The following OTOGL variants were observed in gnomAD, a reference collection of about 807,000 sequenced individuals.
OTOGL encodes otogelin-like protein.
A neutral mutation model predicts 318.5 loss-of-function variants in OTOGL; 285 were observed. The observed-to-expected ratio is 0.89, with a 90% confidence interval of 0.81 to 0.99. The LOEUF (loss-of-function observed/expected upper bound fraction) is 0.99, where lower values mean the gene tolerates loss of function less well. Ranked by LOEUF, OTOGL falls within the 50% of genes least tolerant of loss-of-function variation. The pLI, the probability that OTOGL is intolerant of heterozygous loss-of-function variation, is 0.00. For synonymous variants in OTOGL, 987 were observed against 936.5 expected, an observed-to-expected ratio of 1.05 and a Z score of -0.99; for missense variants, 2,899 against 2,845.6, an observed-to-expected ratio of 1.02 and a Z score of -0.43.
Position 80,252,178 on chromosome 12 carries a change from T to C in OTOGL, c.1262T>C (p.Leu421Pro), listed in dbSNP as rs778574643. ...TGTCTTGGGAGCAATCTCCATTGTC[T>C]TGATGGATGTTACTGCCCAGATGGT... The part of the protein sequence containing the change: ...KQCLGSNLHC[L>P]DGCYCPDGLV... The change falls in exon 13 of 59, where the codon CTT (leucine) becomes CCT (proline). Residue 421 changes from leucine to proline, a missense_variant. Transcript: ENST00000547103. The C allele has an allele frequency of 3.3e-5, 52 of 1,597,452 alleles. No individual in the cohort carries two copies. In the East Asian group the frequency reaches 6.5e-4, roughly 20 times the overall value.
chr12:80,136,199 C>G (rs543868297), intron 1 of OTOGL, among the ~76,000 whole-genome samples: 1 of 152,224 alleles, frequency 6.6e-6, no homozygotes, highest in East Asian at 1.9e-4. Flanking sequence ...TCCCTTCTTT[C>G]TCTCTTGGTC....
intron 27 of OTOGL, among the ~76,000 whole-genome samples, chr12:80,299,610 GAAA>G (rs58781796): frequency 7.9e-6 from 1 of 126,146 alleles, no homozygotes; most frequent in Non-Finnish European, 1.7e-5. Flanking sequence ...TCCAGGGGAA[GAAA>G]AAAAAAAAAA....
At chr12:80,366,436 G>A in intron 52 of OTOGL, 138 bp from the exon 53 acceptor site, 1 of 451,070 alleles carries the variant, frequency 2.2e-6, no homozygotes, top group Non-Finnish European at 4.3e-6. Context: ...GTGTGATAAG[G>A]GACTTATTAG....
intron 1 of OTOGL, among the ~76,000 whole-genome samples, chr12:80,127,921 T>G: frequency 6.6e-6 from 1 of 152,204 alleles, no homozygotes; most frequent in Non-Finnish European, 1.5e-5. Context: ...CTGCATTGGT[T>G]ATTCTAGTTA....
chr12:80,342,169 T>A lies in OTOGL; in HGVS notation c.5265+7T>A. The A allele has an allele frequency of 6.5e-7, 1 of 1,539,124 alleles. No homozygotes were observed. Among genetic ancestry groups the A allele is most frequent in the Non-Finnish European group, 8.8e-7 (1 of 1,130,790 alleles). ...CATTCCATGTCATGATAAAGTAAGT[T>A]GGAAGCAACCATAAATAATACTTTC... On this transcript the variant is annotated splice_region_variant and intron_variant, in intron 44 of 58. Transcript: ENST00000547103.
chr12:80,265,356 C>T, intron 20 of OTOGL, 146 bp downstream of exon 20: 2 of 867,690 alleles, frequency 2.3e-6, no homozygotes, highest in Non-Finnish European at 3.4e-6. Context: ...ACATGAAAAG[C>T]AAATGAAATA....
At chr12:80,238,816 TTG>T (rs143126749) in intron 9 of OTOGL, 33 bp from the exon 10 acceptor site, 24,596 of 1,035,146 alleles carry the variant, frequency 0.024, 2 homozygotes, top group South Asian at 0.06. Flanking sequence ...TTACACCTAT[TTG>T]TGTGTGTGTG....
chr12:80,207,017 A>G (rs767005842), intron 1 of OTOGL, among the ~76,000 whole-genome samples: 7 of 152,224 alleles, frequency 4.6e-5, no homozygotes, highest in African/African-American at 7.2e-5. Context: ...AATTAAGTAC[A>G]TACGAATACC....
intron 19 of OTOGL, among the ~76,000 whole-genome samples, chr12:80,263,465 T>C (rs1882705703): frequency 6.6e-6 from 1 of 152,162 alleles, no homozygotes. Flanking sequence ...ATCACTTTTC[T>C]TCCCATATCC....
At chr12:80,367,801 A>G (rs1367778209) in intron 54 of OTOGL, 62 bp downstream of exon 54, 1 of 1,165,424 alleles carries the variant, frequency 8.6e-7, no homozygotes, top group Non-Finnish European at 1.1e-6. Context: ...GCAGAGTTAT[A>G]GAATTTGAAA....
At chr12:80,167,735 G>A (rs1001989344) in intron 1 of OTOGL, among the ~76,000 whole-genome samples, 5 of 151,952 alleles carry the variant, frequency 3.3e-5, no homozygotes, top group African/African-American at 1.2e-4. Flanking sequence ...TAATTTATCT[G>A]ATAAACACTG....
intron 1 of OTOGL, among the ~76,000 whole-genome samples, chr12:80,143,425 G>A (rs1872084332): frequency 6.6e-6 from 1 of 152,102 alleles, no homozygotes; most frequent in Admixed American, 6.5e-5. Flanking sequence ...ACCTGCCTGT[G>A]TTCAAAGTGA....
chr12:80,105,951 TA>T (rs1250451416), intron 1 of OTOGL, among the ~76,000 whole-genome samples: 2 of 152,196 alleles, frequency 1.3e-5, no homozygotes, highest in Non-Finnish European at 2.9e-5. Flanking sequence ...AACGTTTCCA[TA>T]AAAACATGAG....
chr12:80,187,006 TAGAA>T (rs1875341300), intron 1 of OTOGL, among the ~76,000 whole-genome samples: 1 of 152,110 alleles, frequency 6.6e-6, no homozygotes, highest in Non-Finnish European at 1.5e-5. Flanking sequence ...TTTATGGAGA[TAGAA>T]AGAAGATAAA....
At chr12:80,151,899 A>C (rs987652974) in intron 1 of OTOGL, among the ~76,000 whole-genome samples, 1 of 152,204 alleles carries the variant, frequency 6.6e-6, no homozygotes, top group Non-Finnish European at 1.5e-5. Context: ...CTAATCATTC[A>C]CTTGTCTGTG....
At chr12:80,202,601 T>G (rs968887263) in intron 1 of OTOGL, among the ~76,000 whole-genome samples, 2 of 152,174 alleles carry the variant, frequency 1.3e-5, no homozygotes, top group Non-Finnish European at 2.9e-5. Flanking sequence ...GAGGTTTTTC[T>G]GGGAAAATGT....
chr12:80,311,593 G>T lies in OTOGL; in HGVS notation c.3450+866G>T, dbSNP rs1045756366. ...GGCAAATTTTTCTATTTTTAGTAGA[G>T]ACCGGGTCTCGCCATGTTGGCCAGG... On this transcript the variant is annotated intron_variant, in intron 30 of 58. Coordinates refer to ENST00000547103, the MANE Select transcript of OTOGL (RefSeq NM_001378609.3). 2.0e-5 allele frequency among the ~76,000 whole-genome samples: 3 copies of T among 149,076 alleles called. No individual in the cohort carries two copies. The South Asian group carries it at 6.2e-4, about 31-fold the overall frequency.
intron 1 of OTOGL, among the ~76,000 whole-genome samples, chr12:80,183,741 G>C (rs1171998430): frequency 6.6e-6 from 1 of 152,180 alleles, no homozygotes; most frequent in African/African-American, 2.4e-5. Flanking sequence ...ATAGGCCGAG[G>C]GATGAATGAG....
chr12:80,367,599 T>C lies in OTOGL; in HGVS notation c.6370T>C (p.Leu2124=). ...DVCVFQEVSV[L]NPGQSMIKYL... ...GTGTGTATTTCAAGAAGTATCAGTA[T>C]TGAATCCTGGACAATCCATGATAAA... Residue 2124 remains leucine (L), a synonymous_variant, in exon 54 of 59, where the codon TTG becomes CTG. Transcript: ENST00000547103. 6.5e-7 allele frequency: 1 copy of C among 1,547,772 alleles called. No individual in the cohort carries two copies. Among genetic ancestry groups the C allele is most frequent in the Non-Finnish European group, 8.8e-7 (1 of 1,137,850 alleles).
Sources: gnomAD v4.1 joint callset for allele counts (sites outside exome capture counted in the v4.1 genomes callset) on GRCh38, gnomAD v4.1.1 for gene constraint, MANE v1.5 for transcripts, NCBI Gene and HGNC (gene_info 2026-07-23, HGNC 2026-07-21) for gene names.